ARHGEF18: variants seen among roughly 807,000 people sequenced by gnomAD.
ARHGEF18 encodes rho guanine nucleotide exchange factor 18.
ARHGEF18 carries 93 observed loss-of-function variants against 155.7 expected under a neutral mutation model. That is an observed-to-expected ratio of 0.60 (90% CI 0.50 to 0.71). The LOEUF is 0.71. Ranked by LOEUF, ARHGEF18 falls within the 30% of genes least tolerant of loss-of-function variation. ARHGEF18 has a pLI of 0.00. For synonymous variants in ARHGEF18, 742 were observed against 753.1 expected (o/e 0.99, Z 0.24); for missense variants, 1,593 against 1,816.1 (o/e 0.88, Z 2.23).
intron 15 of ARHGEF18, among the ~76,000 whole-genome samples, chr19:7,449,865 A>T (rs1472895285): frequency 6.6e-6 from 1 of 151,760 alleles, no homozygotes; most frequent in Non-Finnish European, 1.5e-5. Flanking sequence ...TTTTGTAGAG[A>T]TGGGGTCTTG....
Position 7,416,255 on chromosome 19 carries a change from A to C in ARHGEF18, c.968-24089A>C, listed in dbSNP as rs148512461. On this transcript the variant is annotated intron_variant, in intron 10 of 28. Transcript: ENST00000668164. Reference sequence around the variant, plus strand: ...TATCTCTAAAAAAAAAATTTTTTTTAATTAGCCAGGCATGGTGTCACACAC... The same window carrying C: ...TATCTCTAAAAAAAAAATTTTTTTTCATTAGCCAGGCATGGTGTCACACAC... 9.7e-3 allele frequency among the ~76,000 whole-genome samples: 1,467 copies of C among 151,890 alleles called. 35 individuals carry two copies. Among genetic ancestry groups the C allele is most frequent in the African/African-American group, 0.034 (1,401 of 41,416 alleles).
In ARHGEF18 at chr19:7,466,970, C is replaced by CG; in HGVS notation, c.2959dup (p.Glu987GlyfsTer295). 1 of 1,613,336 alleles carries CG rather than the reference C, an allele frequency of 6.2e-7. No individual in the cohort carries two copies. Among genetic ancestry groups the CG allele is most frequent in the Non-Finnish European group, 8.5e-7 (1 of 1,179,998 alleles). On this transcript the variant is annotated frameshift_variant, in exon 24 of 29. Coordinates refer to ENST00000668164, the MANE Select transcript of ARHGEF18 (RefSeq NM_001367823.1). LOFTEE classifies it high-confidence loss of function. Reference sequence around the variant, plus strand: ...CCCCGTCTGCCCACCGTCCTGGAGTCGGAGGTAGGCGCCCGCGGGTCTCCA... The same window carrying CG: ...CCCCGTCTGCCCACCGTCCTGGAGTCGGGAGGTAGGCGCCCGCGGGTCTCCA...
At chr19:7,418,017 G>C (rs1973119245) in intron 10 of ARHGEF18, among the ~76,000 whole-genome samples, 1 of 152,226 alleles carries the variant, frequency 6.6e-6, no homozygotes, top group Non-Finnish European at 1.5e-5. Context: ...CATTCTTGCA[G>C]GTCACAGTGA....
At chr19:7,433,660 A>AGCC (rs1974094700) in intron 10 of ARHGEF18, among the ~76,000 whole-genome samples, 1 of 152,004 alleles carries the variant, frequency 6.6e-6, no homozygotes, top group Admixed American at 6.6e-5. Context: ...CAGAGGACAA[A>AGCC]GCCTGTGGCT....
intron 2 of ARHGEF18, among the ~76,000 whole-genome samples, chr19:7,370,270 T>C (rs1030106209): frequency 5.3e-5 from 8 of 151,732 alleles, no homozygotes; most frequent in Non-Finnish European, 8.8e-5. Context: ...CCAAAGCGGG[T>C]GGATCACGAG....
intron 10 of ARHGEF18, among the ~76,000 whole-genome samples, chr19:7,405,517 G>A (rs1303287604): frequency 6.6e-6 from 1 of 152,148 alleles, no homozygotes; most frequent in African/African-American, 2.4e-5. Flanking sequence ...CCATATTCCA[G>A]GGTTCTTAGT....
intron 8 of ARHGEF18, 76 bp downstream of exon 8, chr19:7,381,070 G>C (rs1393713042): frequency 8.9e-7 from 1 of 1,123,694 alleles, no homozygotes; most frequent in South Asian, 4.5e-5. Flanking sequence ...CTTTGGGCCA[G>C]ACCCCCCATG....
Position 7,467,215 on chromosome 19 carries a change from C to A in ARHGEF18, c.3011C>A (p.Ala1004Glu). 6.3e-7 allele frequency: 1 copy of A among 1,583,974 alleles called. No homozygotes were observed. The change falls in exon 26 of 29, where the codon GCG (alanine) becomes GAG (glutamate). Residue 1004 changes from alanine (A) to glutamate (E), a missense_variant and splice_region_variant. Physicochemically the swap from Ala to Glu is moderately radical, Grantham distance 107. Coordinates refer to ENST00000668164, the MANE Select transcript of ARHGEF18 (RefSeq NM_001367823.1). ...TLSQLLLNLQ[A>E]VIAHQDSYVE... ...TCGCCTGGCCCTGGCCCTCCGCAGG[C>A]GGTAATCGCCCACCAGGACAGCTAT...
intron 2 of ARHGEF18, among the ~76,000 whole-genome samples, chr19:7,369,182 G>A (rs367986955): frequency 2.0e-5 from 3 of 151,770 alleles, no homozygotes; most frequent in East Asian, 3.9e-4. Context: ...ACAAAATTAG[G>A]CGGGTGCAGT....
intron 17 of ARHGEF18, 59 bp from the exon 18 acceptor site, chr19:7,456,268 C>A (rs962101150): frequency 3.2e-6 from 5 of 1,538,866 alleles, no homozygotes; most frequent in Non-Finnish European, 4.5e-6. Flanking sequence ...CGGGGGTGGC[C>A]AGCAAGACCT....
chr19:7,475,976 C>T (rs1977219266), downstream of ARHGEF18, among the ~76,000 whole-genome samples: 1 of 152,174 alleles, frequency 6.6e-6, no homozygotes, highest in South Asian at 2.1e-4. Context: ...TGGGGTCTCC[C>T]GCACCCGTGT....
At chr19:7,448,362 A>G (rs8102547) in intron 15 of ARHGEF18, among the ~76,000 whole-genome samples, 2,722 of 152,262 alleles carry the variant, frequency 0.018, 79 homozygotes, top group African/African-American at 0.062. Flanking sequence ...TAAAAATACA[A>G]AAAATTAGCC....
At chr19:7,473,938 G>A (rs1475052636), downstream of ARHGEF18, among the ~76,000 whole-genome samples, 4 of 151,116 alleles carry the variant, frequency 2.6e-5, no homozygotes, top group Non-Finnish European at 2.9e-5. Flanking sequence ...AGCTATGATC[G>A]TGCCACTGCA....
intron 1 of ARHGEF18, among the ~76,000 whole-genome samples, chr19:7,362,327 TGGAGGA>T (rs925472699): frequency 7.8e-6 from 1 of 128,062 alleles, no homozygotes; most frequent in Non-Finnish European, 1.5e-5. Context: ...AGGAAGAAGG[TGGAGGA>T]GGAGGAGGAA....
chr19:7,451,068 G>A, intron 15 of ARHGEF18, 81 bp from the exon 16 acceptor site: 26 of 997,270 alleles, frequency 2.6e-5, no homozygotes, highest in Non-Finnish European at 3.4e-5. Context: ...GGATCTTGCT[G>A]TCCGTTTCTG....
At chr19:7,414,950 G>A (rs896144012) in intron 10 of ARHGEF18, among the ~76,000 whole-genome samples, 4 of 152,206 alleles carry the variant, frequency 2.6e-5, no homozygotes, top group East Asian at 1.9e-4. Context: ...ACCCGAGATC[G>A]TGCCACTGCA....
At chr19:7,354,496 G>T (rs942517720) in intron 1 of ARHGEF18, among the ~76,000 whole-genome samples, 4 of 151,860 alleles carry the variant, frequency 2.6e-5, no homozygotes, top group African/African-American at 4.9e-5. Flanking sequence ...TTGAAGCAGG[G>T]ATTTTTCAGA....
chr19:7,376,556 G>C (rs1435362012), intron 4 of ARHGEF18, 87 bp from the exon 5 acceptor site: 1 of 776,268 alleles, frequency 1.3e-6, no homozygotes, highest in Non-Finnish European at 1.7e-6. Flanking sequence ...AGGTGGCCCT[G>C]GCTGTGGGTT....
At chr19:7,362,066 A>G (rs1438220132) in intron 1 of ARHGEF18, among the ~76,000 whole-genome samples, 57 of 29,940 alleles carry the variant, frequency 1.9e-3, no homozygotes, top group African/African-American at 0.013. Context: ...AAGGAGAAGG[A>G]GAAGGAGAAG....
Sources: allele counts gnomAD v4.1 joint callset (sites outside exome capture counted in the v4.1 genomes callset), GRCh38; gene constraint gnomAD v4.1.1; transcripts MANE v1.5; gene names NCBI Gene and HGNC (gene_info 2026-07-23, HGNC 2026-07-21).